Variants in UBASH3B observed in about 807,000 individuals in gnomAD.
UBASH3B encodes ubiquitin associated and SH3 domain containing B.
In UBASH3B, 37 loss-of-function variants were observed where a neutral mutation model predicts 83.4. The observed-to-expected ratio is 0.44, with a 90% CI of 0.34 to 0.58. The LOEUF (loss-of-function observed/expected upper bound fraction) is 0.58, where lower values mean the gene tolerates loss of function less well. UBASH3B is among the 20% of genes least tolerant of loss of function. UBASH3B has a pLI of 0.01. For missense variants in UBASH3B, 657 were observed against 827.2 expected (o/e 0.79, Z 2.52); for synonymous variants, 304 against 318.3 (o/e 0.96, Z 0.48).
At chr11:122,669,624 C>T (rs1301476940) in intron 1 of UBASH3B, among the ~76,000 whole-genome samples, 1 of 152,198 alleles carries the variant, frequency 6.6e-6, no homozygotes, top group East Asian at 1.9e-4. Context: ...CTGTTACTAA[C>T]TTGTCACCCT....
intron 1 of UBASH3B, among the ~76,000 whole-genome samples, chr11:122,695,828 A>C (rs565055509): frequency 5.3e-5 from 8 of 152,346 alleles, no homozygotes; most frequent in African/African-American, 1.9e-4. Context: ...AAAGTGGTTA[A>C]AAAATGAAGT....
Position 122,711,604 on chromosome 11 carries a change from C to T in UBASH3B, c.161+55394C>T, listed in dbSNP as rs552563171. ...TAAGTCTCCTGAGCATGCCCCCGGG[C>T]ACTTCAGCCTGGCCTTGGCCTCATT... On this transcript the variant is annotated intron_variant, in intron 1 of 13. Transcript: ENST00000284273. Among the ~76,000 whole-genome samples the T allele has an allele frequency of 3.3e-4, 50 of 152,356 alleles. No individual in the cohort carries two copies. In the South Asian group the frequency reaches 9.5e-3, roughly 29 times the overall value.
Position 122,794,739 on chromosome 11 carries a change from C to G in UBASH3B, c.1018C>G (p.Leu340Val). 1 of 1,614,206 alleles carries G rather than the reference C, an allele frequency of 6.2e-7. No homozygotes were observed. The highest frequency in any genetic ancestry group is 1.3e-5 in the African/African-American group (1 of 75,054). The change falls in exon 7 of 14, where the codon CTC becomes GTC. Residue 340 changes from leucine (L) to valine (V), a missense_variant. Leu to Val is a conservative substitution (Grantham distance 32, BLOSUM62 1). Coordinates refer to ENST00000284273, the MANE Select transcript of UBASH3B (RefSeq NM_032873.5). Reference sequence around the variant, plus strand: ...CTTAAATACATCGTCATCCAACTCTCTCACGTTTGGGGATGGAGTATTGGA... The same window carrying G: ...CTTAAATACATCGTCATCCAACTCTGTCACGTTTGGGGATGGAGTATTGGA... ...SILNTSSSNSLTFGDGVLERR... is the reference protein window; with the variant it reads ...SILNTSSSNSVTFGDGVLERR...
intron 2 of UBASH3B, 86 bp from the exon 3 acceptor site, chr11:122,776,938 C>A: frequency 7.7e-7 from 1 of 1,300,428 alleles, no homozygotes; most frequent in Non-Finnish European, 1.1e-6. Context: ...ATTTGGAGCA[C>A]ATGGAGGGTG....
chr11:122,772,856 A>G (rs1860671299), intron 1 of UBASH3B, among the ~76,000 whole-genome samples: 1 of 152,004 alleles, frequency 6.6e-6, no homozygotes, highest in South Asian at 2.1e-4. Flanking sequence ...TTTCTTTTTC[A>G]TATTCTGCTA....
chr11:122,713,565 TAAAG>T (rs781450305), intron 1 of UBASH3B, among the ~76,000 whole-genome samples: 2 of 152,170 alleles, frequency 1.3e-5, no homozygotes, highest in Non-Finnish European at 2.9e-5. Context: ...TTAGCAATTA[TAAAG>T]AAACTATAGG....
chr11:122,686,630 C>T (rs1382470176), intron 1 of UBASH3B, among the ~76,000 whole-genome samples: 2 of 152,090 alleles, frequency 1.3e-5, no homozygotes, highest in African/African-American at 2.4e-5. Flanking sequence ...AAAAGCCATC[C>T]AGGCTTGTTA....
chr11:122,770,698 A>AC (rs1169286129), intron 1 of UBASH3B, among the ~76,000 whole-genome samples: 2 of 152,006 alleles, frequency 1.3e-5, no homozygotes, highest in Non-Finnish European at 2.9e-5. Flanking sequence ...TGTCACTGTC[A>AC]CCCCCAGCCC....
chr11:122,740,678 A>T (rs986774178), intron 1 of UBASH3B, among the ~76,000 whole-genome samples: 1 of 152,154 alleles, frequency 6.6e-6, no homozygotes, highest in Non-Finnish European at 1.5e-5. Context: ...TGTACTTGCA[A>T]GCGACCCTGC....
intron 1 of UBASH3B, among the ~76,000 whole-genome samples, chr11:122,774,585 A>G (rs1198749365): frequency 6.6e-6 from 1 of 152,144 alleles, no homozygotes; most frequent in Non-Finnish European, 1.5e-5. Context: ...TGCTCCATAG[A>G]AGGGTAGGAC....
chr11:122,705,860 G>A (rs772219687), intron 1 of UBASH3B, among the ~76,000 whole-genome samples: 2 of 152,114 alleles, frequency 1.3e-5, no homozygotes, highest in Non-Finnish European at 2.9e-5. Flanking sequence ...CCCTTGCTCT[G>A]ACTAAATCAA....
At chr11:122,751,898 A>G (rs1183311023) in intron 1 of UBASH3B, among the ~76,000 whole-genome samples, 1 of 152,188 alleles carries the variant, frequency 6.6e-6, no homozygotes, top group Admixed American at 6.5e-5. Flanking sequence ...GGTGAGACCA[A>G]TTGCTACAAC....
intron 1 of UBASH3B, among the ~76,000 whole-genome samples, chr11:122,770,460 G>GT (rs10713524): frequency 1.5e-3 from 211 of 142,366 alleles, no homozygotes; most frequent in East Asian, 5.1e-3. Flanking sequence ...TGTCTTAAGT[G>GT]TTTTTTTTTT....
intron 4 of UBASH3B, 155 bp downstream of exon 4, chr11:122,779,850 C>A (rs1382765848): frequency 3.3e-5 from 27 of 824,888 alleles, no homozygotes; most frequent in Admixed American, 5.0e-5. Flanking sequence ...CCTTTTCCTG[C>A]AGCACCCCAC....
intron 1 of UBASH3B, among the ~76,000 whole-genome samples, chr11:122,772,692 C>T (rs538982764): frequency 6.6e-6 from 1 of 152,278 alleles, no homozygotes; most frequent in East Asian, 1.9e-4. Flanking sequence ...AGGAAGAATC[C>T]CGCCGGAGCA....
At chr11:122,711,650 G>A (rs965125943) in intron 1 of UBASH3B, among the ~76,000 whole-genome samples, 3 of 152,262 alleles carry the variant, frequency 2.0e-5, no homozygotes, top group Middle Eastern at 3.4e-3. Flanking sequence ...GCTGTGTAAC[G>A]GGCACAGGTG....
At position 122,667,146 on chromosome 11, in the gene UBASH3B, C is replaced by T. The variant is rs369072785; in HGVS notation, c.161+10936C>T. ...GCAACCTTTGCCTCCTGGGTTCAAG[C>T]GATTCTCCTGCCTCAGCTTCCTAAG... is the stretch of plus-strand genomic sequence containing the variant. On this transcript the variant is annotated intron_variant, in intron 1 of 13. Coordinates refer to ENST00000284273, the MANE Select transcript of UBASH3B (RefSeq NM_032873.5). Among the ~76,000 whole-genome samples, 32 of 147,876 alleles carry T rather than the reference C, an allele frequency of 2.2e-4. No homozygotes were observed. In the East Asian group the frequency reaches 2.8e-3, roughly 13 times the overall value.
At chr11:122,738,887 CA>C (rs35957240) in intron 1 of UBASH3B, among the ~76,000 whole-genome samples, 120,503 of 139,516 alleles carry the variant, frequency 0.86, 52,105 homozygotes, top group Middle Eastern at 0.94. Context: ...AACTCTGTCT[CA>C]AAAAAAAAAA....
At chr11:122,725,315 ATAGC>A (rs1265604070) in intron 1 of UBASH3B, among the ~76,000 whole-genome samples, 1 of 132,556 alleles carries the variant, frequency 7.5e-6, no homozygotes, top group African/African-American at 2.8e-5. Context: ...TGTGATGAGC[ATAGC>A]ACCATAAACA....
Sources: allele counts gnomAD v4.1 joint callset (sites outside exome capture counted in the v4.1 genomes callset), GRCh38; gene constraint gnomAD v4.1.1; transcripts MANE v1.5; gene names NCBI Gene and HGNC (gene_info 2026-07-23, HGNC 2026-07-21).